Variants in ATP10B observed in about 807,000 individuals in gnomAD.
ATP10B encodes ATPase phospholipid transporting 10B (putative).
ATP10B carries 122 observed loss-of-function variants against 141.2 expected under a neutral mutation model. The ratio of observed to expected loss-of-function variants is 0.86; its 90% CI spans 0.75 to 1.00. The LOEUF (loss-of-function observed/expected upper bound fraction) is 1.00. Among genes scored for constraint, ATP10B ranks in the 50% least tolerant of loss-of-function variants. The pLI, the probability that ATP10B is intolerant of heterozygous loss-of-function variation, is 0.00. For missense variants in ATP10B, 1,876 were observed against 1,825.3 expected (o/e 1.03, Z -0.51); for synonymous variants, 685 against 692.0 (o/e 0.99, Z 0.16).
Position 160,591,148 on chromosome 5 carries a change from A to G in ATP10B, c.3565-9T>C. 1 of 1,610,710 alleles carries G rather than the reference A, an allele frequency of 6.2e-7. No homozygotes were observed. The highest frequency in any genetic ancestry group is 8.5e-7 in the Non-Finnish European group (1 of 1,178,412). On this transcript the variant is annotated splice_polypyrimidine_tract_variant and intron_variant, in intron 22 of 25. Coordinates refer to ENST00000327245, the MANE Select transcript of ATP10B (RefSeq NM_025153.3). ...GTCGACAGGTTATAGCACTGCCAGG[A>G]GAGAACACACCAATAATTATCACCC...
chr5:160,635,663 G>A (rs996813636), intron 11 of ATP10B, among the ~76,000 whole-genome samples: 1 of 152,082 alleles, frequency 6.6e-6, no homozygotes, highest in Non-Finnish European at 1.5e-5. Flanking sequence ...GAGACACGAA[G>A]GTTTTAAAAT....
At chr5:160,802,819 G>C (rs962545172) in intron 1 of ATP10B, among the ~76,000 whole-genome samples, 7 of 152,194 alleles carry the variant, frequency 4.6e-5, no homozygotes, top group African/African-American at 1.7e-4. Context: ...TGTGTGTGGG[G>C]ATGCTTTTGT....
chr5:160,659,902 GT>G (rs1761796467), intron 7 of ATP10B, among the ~76,000 whole-genome samples: 1 of 152,040 alleles, frequency 6.6e-6, no homozygotes, highest in South Asian at 2.1e-4. Context: ...TCAGAACTGA[GT>G]TCTAATTTGG....
In ATP10B at chr5:160,787,105, G is replaced by GACACAC. The variant is rs58517660; in HGVS notation, c.-575-1308_-575-1303dup. Among the ~76,000 whole-genome samples the GACACAC allele has an allele frequency of 7.1e-3, 948 of 133,630 alleles. 8 individuals carry two copies. The highest frequency in any genetic ancestry group is 0.011 in the African/African-American group (414 of 38,116). The allele number at this position is 133,630 out of a possible 152,430, so 87.7% of individuals were successfully genotyped here. On this transcript the variant is annotated intron_variant, in intron 1 of 25. Coordinates refer to ENST00000327245, the MANE Select transcript of ATP10B (RefSeq NM_025153.3). ...CTGCTCCTTGAAGGGTTTTGACACA[G>GACACAC]ACACACACACACACACACACACACA...
intron 8 of ATP10B, among the ~76,000 whole-genome samples, chr5:160,644,492 A>G (rs542891129): frequency 8.9e-4 from 136 of 152,306 alleles, no homozygotes; most frequent in African/African-American, 3.2e-3. Flanking sequence ...AAATTGTCCC[A>G]TTTACCAACA....
intron 2 of ATP10B, among the ~76,000 whole-genome samples, chr5:160,727,044 T>C (rs980819786): frequency 6.6e-6 from 1 of 152,142 alleles, no homozygotes; most frequent in African/African-American, 2.4e-5. Flanking sequence ...CAAAAATGTA[T>C]AAAACCAAGC....
intron 1 of ATP10B, among the ~76,000 whole-genome samples, chr5:160,810,069 C>A (rs1004441751): frequency 6.6e-6 from 1 of 152,156 alleles, no homozygotes; most frequent in Non-Finnish European, 1.5e-5. Context: ...TCTAATCTTT[C>A]TTTACATGAT....
chr5:160,828,448 AT>A (rs1358069569), intron 1 of ATP10B, among the ~76,000 whole-genome samples: 1 of 152,144 alleles, frequency 6.6e-6, no homozygotes, highest in Non-Finnish European at 1.5e-5. Flanking sequence ...CAAAAGACAC[AT>A]AAAAAAATGC....
intron 9 of ATP10B, among the ~76,000 whole-genome samples, chr5:160,642,144 C>T (rs1759914508): frequency 1.3e-5 from 2 of 152,152 alleles, no homozygotes; most frequent in Admixed American, 1.3e-4. Context: ...GATACTTGAC[C>T]TTGGGTTGCA....
chr5:160,730,132 G>A (rs538073550), intron 2 of ATP10B, among the ~76,000 whole-genome samples: 1 of 151,618 alleles, frequency 6.6e-6, no homozygotes, highest in Non-Finnish European at 1.5e-5. Context: ...TATGCACGAT[G>A]ATTTATATAA....
chr5:160,913,704 T>TC, the ATP10B span, among the ~76,000 whole-genome samples: 5 of 152,290 alleles, frequency 3.3e-5, no homozygotes, highest in African/African-American at 1.2e-4. Flanking sequence ...CTTTATGTAT[T>TC]CTTTATGCTC....
At chr5:160,598,184 A>G (rs1268153604) in intron 22 of ATP10B, among the ~76,000 whole-genome samples, 1 of 151,926 alleles carries the variant, frequency 6.6e-6, no homozygotes, top group Non-Finnish European at 1.5e-5. Context: ...TGGCACATAT[A>G]CACCATGGAA....
chr5:160,565,430 T>C lies in ATP10B; in HGVS notation c.*23A>G. The C allele has an allele frequency of 6.2e-7, 1 of 1,610,684 alleles. No homozygotes were observed. The highest frequency in any genetic ancestry group is 8.5e-7 in the Non-Finnish European group (1 of 1,177,898). On this transcript the variant is annotated 3_prime_UTR_variant, in exon 26 of 26. Transcript: ENST00000327245. Reference sequence around the variant, plus strand: ...CAGTGACTAGGTGGCCTCTGTTGAGTTTGTACAGATTTCTGCAGCTCCTCA... The same window carrying C: ...CAGTGACTAGGTGGCCTCTGTTGAGCTTGTACAGATTTCTGCAGCTCCTCA...
Position 160,785,712 on chromosome 5 carries a change from T to C in ATP10B, c.-484A>G. 7.8e-7 allele frequency: 1 copy of C among 1,280,084 alleles called. No homozygotes were observed. Among genetic ancestry groups the C allele is most frequent in the South Asian group, 1.3e-5 (1 of 79,310 alleles). 79.3% of individuals were successfully genotyped at this position (1,280,084 alleles called of 1,614,324 possible). ...AGTTCATTATCTCCACTGAGTGAGA[T>C]GAATAATAGGAAAAACTACTTACTC... On this transcript the variant is annotated 5_prime_UTR_variant, in exon 2 of 26. Transcript: ENST00000327245.
intron 1 of ATP10B, among the ~76,000 whole-genome samples, chr5:160,814,316 G>A (rs1004679988): frequency 1.3e-5 from 2 of 152,206 alleles, no homozygotes; most frequent in Admixed American, 6.5e-5. Flanking sequence ...GAAAACCATG[G>A]CAAGAGAACT....
rs374627297 is a variant in ATP10B at position 160,813,060 on chromosome 5, T to C, written c.-575-27257A>G. 7.0e-3 allele frequency among the ~76,000 whole-genome samples: 1,066 copies of C among 152,360 alleles called. 18 individuals are homozygous for C. The highest frequency in any genetic ancestry group is 0.024 in the African/African-American group (1,004 of 41,586). ...AGTCTACAGCTCCCAGTGTGAGTGATGCAGAAGATGGGTGATTTCTGCATT... is the reference window on the plus strand; with the variant it reads ...AGTCTACAGCTCCCAGTGTGAGTGACGCAGAAGATGGGTGATTTCTGCATT... On this transcript the variant is annotated intron_variant, in intron 1 of 25. Coordinates refer to ENST00000327245, the MANE Select transcript of ATP10B (RefSeq NM_025153.3).
intron 2 of ATP10B, among the ~76,000 whole-genome samples, chr5:160,728,419 A>G (rs1295226337): frequency 6.6e-6 from 1 of 152,154 alleles, no homozygotes; most frequent in African/African-American, 2.4e-5. Flanking sequence ...ATAGAGCCCC[A>G]ATACAAACTC....
chr5:160,913,660 T>C, the ATP10B span, among the ~76,000 whole-genome samples: 1 of 152,208 alleles, frequency 6.6e-6, no homozygotes, highest in South Asian at 2.1e-4. Flanking sequence ...GCAAAAAAGC[T>C]GACGGCATTT....
At chr5:160,590,034 T>A (rs1427390396) in intron 23 of ATP10B, among the ~76,000 whole-genome samples, 1 of 152,086 alleles carries the variant, frequency 6.6e-6, no homozygotes, top group South Asian at 2.1e-4. Flanking sequence ...TATTAGGCAG[T>A]GCGGATGTGG....
Sources: gnomAD v4.1 joint callset for allele counts (sites outside exome capture counted in the v4.1 genomes callset) on GRCh38, gnomAD v4.1.1 for gene constraint, MANE v1.5 for transcripts, NCBI Gene and HGNC (gene_info 2026-07-23, HGNC 2026-07-21) for gene names.